Variants in TNIP2 observed in about 807,000 individuals in gnomAD.
TNIP2 encodes TNFAIP3 interacting protein 2.
In TNIP2, 30 loss-of-function variants were observed where a neutral mutation model predicts 43.7. The ratio of observed to expected loss-of-function variants is 0.69; its 90% confidence interval spans 0.51 to 0.93. The LOEUF is 0.93. Ranked by LOEUF, TNIP2 falls within the 40% of genes least tolerant of loss-of-function variation. The pLI is 0.00. For missense variants in TNIP2, 599 were observed against 591.0 expected, an observed-to-expected ratio of 1.01 and a Z score of -0.14; for synonymous variants, 260 against 254.6, an observed-to-expected ratio of 1.02 and a Z score of -0.20.
chr4:2,742,924 T>C (rs1721835433), intron 5 of TNIP2, among the ~76,000 whole-genome samples: 2 of 152,204 alleles, frequency 1.3e-5, no homozygotes, highest in South Asian at 4.1e-4. Flanking sequence ...GCACCTCCTC[T>C]GTGGGGCCTG....
At chr4:2,753,456 A>G (rs1722151029) in intron 1 of TNIP2, among the ~76,000 whole-genome samples, 2 of 152,186 alleles carry the variant, frequency 1.3e-5, no homozygotes. Flanking sequence ...ATAAAAAAAT[A>G]AAAATCCCAA....
intron 1 of TNIP2, among the ~76,000 whole-genome samples, chr4:2,752,216 G>C (rs1722122053): frequency 6.6e-6 from 1 of 152,224 alleles, no homozygotes; most frequent in Admixed American, 6.5e-5. Context: ...GAAGGGAAAG[G>C]GGGCTGATAC....
intron 5 of TNIP2, among the ~76,000 whole-genome samples, chr4:2,743,940 G>GGCCCCTGCCCT (rs1403494276): frequency 6.6e-6 from 1 of 152,130 alleles, no homozygotes; most frequent in Non-Finnish European, 1.5e-5. Flanking sequence ...TGGGGTGAGG[G>GGCCCCTGCCCT]GCCCCTGCCC....
In TNIP2 at chr4:2,742,220, C is replaced by G; in HGVS notation, c.*37G>C. 1 of 1,426,886 alleles carries G rather than the reference C, an allele frequency of 7.0e-7. No individual in the cohort carries two copies. The highest frequency in any genetic ancestry group is 9.2e-7 in the Non-Finnish European group (1 of 1,084,124). The allele number at this position is 1,426,886 out of a possible 1,614,324, so 88.4% of individuals were successfully genotyped here. ...ACCCTGTCCCTGAGGGCAGCTGCAC[C>G]GGGCCAGGAGGCCGCAAGGGCACGG... On this transcript the variant is annotated 3_prime_UTR_variant, in exon 6 of 6. Coordinates refer to ENST00000315423, the MANE Select transcript of TNIP2 (RefSeq NM_024309.4).
At chr4:2,745,212 TA>T (rs1721913761) in intron 3 of TNIP2, 10 of 605,948 alleles carry the variant, frequency 1.7e-5, no homozygotes, top group Non-Finnish European at 2.9e-5. Flanking sequence ...CTCCTGCTGC[TA>T]ACTCTTGCAT....
In TNIP2 at chr4:2,744,337, AAAC is replaced by A. The variant is rs1343480801; in HGVS notation, c.1026+47_1026+49del. The stretch of plus-strand genomic sequence containing the variant: ...AAAGGCTCTAATCTCATGAGAAGAG[AAAC>A]AAAAACACTAAACCTAAGCAGGAAG... On this transcript the variant is annotated intron_variant, in intron 5 of 5. Coordinates refer to ENST00000315423, the MANE Select transcript of TNIP2 (RefSeq NM_024309.4). This position sits in a 1 kb window ranked among gnomAD's most constrained non-coding sequence, Gnocchi z 5.1. 10 of 1,611,470 alleles carry A rather than the reference AAAC, an allele frequency of 6.2e-6. No individual in the cohort carries two copies. The highest frequency in any genetic ancestry group is 7.6e-6 in the Non-Finnish European group (9 of 1,178,632).
At position 2,747,645 on chromosome 4, in the gene TNIP2, T is replaced by C; in HGVS notation, c.567+10A>G. On this transcript the variant is annotated intron_variant, in intron 2 of 5. Coordinates refer to ENST00000315423, the MANE Select transcript of TNIP2 (RefSeq NM_024309.4). ...GGTCTTCCCCACACTCTGCTTACAC[T>C]GTGGCCTACCTGGTCAGGACTTCTC... 1.9e-6 allele frequency: 3 copies of C among 1,592,138 alleles called. No individual in the cohort carries two copies. Among genetic ancestry groups the C allele is most frequent in the Non-Finnish European group, 2.6e-6 (3 of 1,174,978 alleles).
At chr4:2,753,334 G>T (rs1444661978) in intron 1 of TNIP2, among the ~76,000 whole-genome samples, 3 of 152,160 alleles carry the variant, frequency 2.0e-5, no homozygotes, top group African/African-American at 4.8e-5. Flanking sequence ...CAGCTATATG[G>T]GAGGCTGAGG....
intron 2 of TNIP2, among the ~76,000 whole-genome samples, chr4:2,746,422 T>C (rs867881895): frequency 2.6e-5 from 4 of 152,032 alleles, no homozygotes; most frequent in African/African-American, 9.7e-5. Context: ...TGTGTGTGGC[T>C]CCTTTCAAAT....
At chr4:2,755,993 C>T (rs749520629) in intron 1 of TNIP2, 21 bp downstream of exon 1, 5 of 1,534,588 alleles carry the variant, frequency 3.3e-6, no homozygotes, top group African/African-American at 2.9e-5. Context: ...CCCGCAGCTC[C>T]TCTGGTACCC....
chr4:2,744,919 C>A lies in TNIP2; in HGVS notation c.684G>T (p.Gln228His). Reference sequence around the variant, plus strand: ...ATTCGTCCCTGCTGGCGTTGTAGCGCTGCCACTTGGCATTGAGGTCTTCAA... The same window carrying A: ...ATTCGTCCCTGCTGGCGTTGTAGCGATGCCACTTGGCATTGAGGTCTTCAA... ...THVEDLNAKW[Q>H]RYNASRDEYV... Residue 228 changes from glutamine to histidine, a missense_variant, in exon 4 of 6, where the codon CAG becomes CAT. Physicochemically the swap from Gln to His is conservative, Grantham distance 24 (BLOSUM62 0). Transcript: ENST00000315423. This position sits in a 1 kb window ranked among gnomAD's most constrained non-coding sequence, Gnocchi z 5.1. The A allele has an allele frequency of 1.2e-6, 2 of 1,608,796 alleles. No homozygotes were observed. The highest frequency in any genetic ancestry group is 3.3e-4 in the Middle Eastern group (2 of 6,048).
intron 1 of TNIP2, among the ~76,000 whole-genome samples, chr4:2,751,499 T>G (rs1475175263): frequency 6.6e-6 from 1 of 152,136 alleles, no homozygotes; most frequent in East Asian, 1.9e-4. Context: ...CAGAAGTGTA[T>G]TCTCCCAAAG....
In TNIP2 at chr4:2,745,749, AG is replaced by A. The variant is rs370687380; in HGVS notation, c.568-215del. On this transcript the variant is annotated intron_variant, in intron 2 of 5. Transcript: ENST00000315423. Reference sequence around the variant, plus strand: ...TGGCCCAGGCCAGAGCCCGGATGGGAGGTCTTCAGGCCACACCACCTTTCAC... The same window carrying A: ...TGGCCCAGGCCAGAGCCCGGATGGGAGTCTTCAGGCCACACCACCTTTCAC... Among the ~76,000 whole-genome samples the A allele has an allele frequency of 4.9e-3, 742 of 152,344 alleles. 1 individual carries two copies. Among genetic ancestry groups the A allele is most frequent in the Non-Finnish European group, 7.7e-3 (524 of 68,020 alleles).
At chr4:2,743,224 C>T (rs944015112) in intron 5 of TNIP2, among the ~76,000 whole-genome samples, 9 of 152,114 alleles carry the variant, frequency 5.9e-5, no homozygotes, top group African/African-American at 2.2e-4. Context: ...GAGCAACCCT[C>T]GAGGGGCCAC....
intron 5 of TNIP2, among the ~76,000 whole-genome samples, chr4:2,743,622 C>CA (rs1290072935): frequency 2.3e-4 from 35 of 152,296 alleles, no homozygotes; most frequent in Non-Finnish European, 8.8e-5. Context: ...TCCCTGTTCA[C>CA]ACCCTGAAAC....
chr4:2,751,756 G>C (rs1173975944), intron 1 of TNIP2, among the ~76,000 whole-genome samples: 1 of 146,836 alleles, frequency 6.8e-6, no homozygotes, highest in African/African-American at 2.5e-5. Context: ...CTGGGCAACA[G>C]AGTGACCCTG....
Position 2,744,769 on chromosome 4 carries a change from C to G in TNIP2, c.834G>C (p.Val278=), listed in dbSNP as rs760689437. The change falls in exon 4 of 6, where the codon GTG becomes GTC. Residue 278 remains valine (V), a synonymous_variant. Coordinates refer to ENST00000315423, the MANE Select transcript of TNIP2 (RefSeq NM_024309.4). This position sits in a 1 kb window ranked among gnomAD's most constrained non-coding sequence, Gnocchi z 5.1. The part of the protein sequence containing the change: ...LEEKINDCAE[V]KQELAASRTA... Reference sequence around the variant, plus strand: ...TCCTGGAGGCCGCCAGCTCCTGCTTCACTTCGGCACAGTCATTTATTTTCT... The same window carrying G: ...TCCTGGAGGCCGCCAGCTCCTGCTTGACTTCGGCACAGTCATTTATTTTCT... The G allele has an allele frequency of 6.2e-7, 1 of 1,611,132 alleles. No individual in the cohort carries two copies. Among genetic ancestry groups the G allele is most frequent in the Non-Finnish European group, 8.5e-7 (1 of 1,180,050 alleles).
rs548976261 is a variant in TNIP2, at chr4:2,750,789, G to A, written c.277-2844C>T. ...GCCTCAGCAGGGGTCACCGTGCCCA[G>A]GTAAAATCTGATTTCGGAGCCTCCT... is the stretch of plus-strand genomic sequence containing the variant. On this transcript the variant is annotated intron_variant, in intron 1 of 5. Transcript: ENST00000315423. 1.4e-4 allele frequency among the ~76,000 whole-genome samples: 22 copies of A among 152,078 alleles called. No individual in the cohort carries two copies. The South Asian group carries it at 4.6e-3, about 32-fold the overall frequency.
At position 2,742,503 on chromosome 4, in the gene TNIP2, G is replaced by A. The variant is rs756413858; in HGVS notation, c.1044C>T (p.Asp348=). Residue 348 remains aspartate, a synonymous_variant, in exon 6 of 6, where the codon GAC becomes GAT. Transcript: ENST00000315423. The part of the protein sequence containing the change: ...VSWRQDSREP[D]AGRIHAGSKT... ...TGCTCCCAGCGTGAATCCGGCCGGC[G>A]TCTGGCTCTCGAGAATCCTGGAGAA... is the stretch of plus-strand genomic sequence containing the variant. 1.6e-5 allele frequency: 25 copies of A among 1,592,932 alleles called. No individual in the cohort carries two copies. Among genetic ancestry groups the A allele is most frequent in the African/African-American group, 1.2e-4 (9 of 74,298 alleles).
Sources: allele counts gnomAD v4.1 joint callset (sites outside exome capture counted in the v4.1 genomes callset), GRCh38; gene constraint gnomAD v4.1.1; non-coding constraint Gnocchi (gnomAD v3.1); transcripts MANE v1.5; gene names NCBI Gene and HGNC (gene_info 2026-07-23, HGNC 2026-07-21).